The following SLC9A9 variants were observed in gnomAD, a reference collection of about 807,000 sequenced individuals.
SLC9A9 encodes sodium/hydrogen exchanger 9.
Under a neutral mutation model 77.8 loss-of-function variants are expected in SLC9A9, and 62 were observed. The ratio of observed to expected loss-of-function variants is 0.80; its 90% CI spans 0.65 to 0.98. The LOEUF is 0.98. Among genes scored for constraint, SLC9A9 ranks in the 50% least tolerant of loss-of-function variants. The pLI is 0.00. For missense variants in SLC9A9, 775 were observed against 774.9 expected, an observed-to-expected ratio of 1.00 and a Z score of 0.00; for synonymous variants, 320 against 283.5, an observed-to-expected ratio of 1.13 and a Z score of -1.29.
At chr3:143,673,303 C>CTTGAATTATCCAGTTTCAAGTTTTCATTT (rs2039188395) in intron 5 of SLC9A9, among the ~76,000 whole-genome samples, 1 of 152,140 alleles carries the variant, frequency 6.6e-6, no homozygotes, top group African/African-American at 2.4e-5. Context: ...AGGAGCCCTG[C>CTTGAATTATCCAGTTTCAAGTTTTCATTT]AGGATGAGAA....
intron 1 of SLC9A9, 41 bp downstream of exon 1, chr3:143,848,107 A>T (rs765834390): frequency 1.3e-6 from 2 of 1,581,854 alleles, no homozygotes; most frequent in African/African-American, 2.7e-5. Flanking sequence ...ATTACGCTCA[A>T]GCAACAAGTT....
intron 14 of SLC9A9, among the ~76,000 whole-genome samples, chr3:143,358,014 GTT>G (rs1262157852): frequency 1.6e-5 from 2 of 127,116 alleles, no homozygotes; most frequent in Non-Finnish European, 3.2e-5. Flanking sequence ...GGAGGGGAAG[GTT>G]TTTCTTTCCT....
intron 4 of SLC9A9, among the ~76,000 whole-genome samples, chr3:143,717,164 T>C (rs766883676): frequency 6.6e-6 from 1 of 152,232 alleles, no homozygotes; most frequent in Admixed American, 6.5e-5. Flanking sequence ...AACCATGATG[T>C]GCATATCAAT....
intron 8 of SLC9A9, among the ~76,000 whole-genome samples, chr3:143,564,708 A>G (rs1313728045): frequency 6.6e-6 from 1 of 152,160 alleles, no homozygotes; most frequent in Non-Finnish European, 1.5e-5. Context: ...TGGCAGATTA[A>G]TAATGCATCT....
intron 9 of SLC9A9, among the ~76,000 whole-genome samples, chr3:143,543,307 C>A (rs1228274915): frequency 6.6e-6 from 1 of 152,160 alleles, no homozygotes; most frequent in Non-Finnish European, 1.5e-5. Context: ...AGCGGCCCAC[C>A]CCTAACTATT....
intron 2 of SLC9A9, among the ~76,000 whole-genome samples, chr3:143,811,125 A>G (rs532259928): frequency 1.3e-5 from 2 of 152,314 alleles, no homozygotes; most frequent in Admixed American, 1.3e-4. Flanking sequence ...CTGGGGTTTC[A>G]GTTACAGTTG....
chr3:143,439,662 T>C (rs2034690838), intron 12 of SLC9A9, among the ~76,000 whole-genome samples: 1 of 152,118 alleles, frequency 6.6e-6, no homozygotes, highest in African/African-American at 2.4e-5. Context: ...GGGGCCAGAC[T>C]CCTAGGACTA....
At chr3:143,436,589 A>C (rs1414210608) in intron 12 of SLC9A9, among the ~76,000 whole-genome samples, 2 of 152,222 alleles carry the variant, frequency 1.3e-5, no homozygotes, top group Non-Finnish European at 2.9e-5. Context: ...GTACAGATGG[A>C]AGAAGAAACT....
chr3:143,578,581 A>T lies in SLC9A9; in HGVS notation c.894+4T>A. On this transcript the variant is annotated splice_donor_region_variant and intron_variant, in intron 7 of 15. Coordinates refer to ENST00000316549, the MANE Select transcript of SLC9A9 (RefSeq NM_173653.4). Reference sequence around the variant, plus strand: ...CCAGCTTTCCACATACAGACAAAGGATATCAGTGCTGTGATGATGGCATAC... The same window carrying T: ...CCAGCTTTCCACATACAGACAAAGGTTATCAGTGCTGTGATGATGGCATAC... 1 of 1,613,902 alleles carries T rather than the reference A, an allele frequency of 6.2e-7. No homozygotes were observed. The highest frequency in any genetic ancestry group is 8.5e-7 in the Non-Finnish European group (1 of 1,179,826).
At chr3:143,801,130 G>C (rs957308925) in intron 2 of SLC9A9, among the ~76,000 whole-genome samples, 4 of 152,138 alleles carry the variant, frequency 2.6e-5, no homozygotes, top group African/African-American at 4.8e-5. Context: ...CTTGAAGACA[G>C]ATTTAGAGAC....
intron 4 of SLC9A9, among the ~76,000 whole-genome samples, chr3:143,741,454 A>G (rs967976610): frequency 6.6e-6 from 1 of 152,246 alleles, no homozygotes; most frequent in East Asian, 1.9e-4. Context: ...AATTGTATAA[A>G]TTAATAAATG....
chr3:143,363,569 G>A lies in SLC9A9; in HGVS notation c.1525-6C>T, dbSNP rs762219905. Reference sequence around the variant, plus strand: ...TTATCCAAGTTATTTGCTTCCTGGGGAGAAACAATAGAAAAAGGCATTGGG... The same window carrying A: ...TTATCCAAGTTATTTGCTTCCTGGGAAGAAACAATAGAAAAAGGCATTGGG... On this transcript the variant is annotated splice_region_variant and splice_polypyrimidine_tract_variant and intron_variant, in intron 13 of 15. Coordinates refer to ENST00000316549, the MANE Select transcript of SLC9A9 (RefSeq NM_173653.4). 3 of 1,611,676 alleles carry A rather than the reference G, an allele frequency of 1.9e-6. No individual in the cohort carries two copies. The highest frequency in any genetic ancestry group is 2.5e-6 in the Non-Finnish European group (3 of 1,178,410).
chr3:143,328,175 C>A (rs1054195242), intron 14 of SLC9A9, among the ~76,000 whole-genome samples: 3 of 152,148 alleles, frequency 2.0e-5, no homozygotes, highest in Admixed American at 6.5e-5. Flanking sequence ...CATAACACAA[C>A]CTCAATGTAA....
chr3:143,848,339 G>A lies in SLC9A9; in HGVS notation c.-17C>T. The A allele has an allele frequency of 1.2e-6, 2 of 1,613,780 alleles. No homozygotes were observed. Among genetic ancestry groups the A allele is most frequent in the Non-Finnish European group, 1.7e-6 (2 of 1,179,780 alleles). ...TCTCTCCATTCCCCAGTCTTCTTGG[G>A]ATTCCTTAGATAAAAACCTGGATAA... On this transcript the variant is annotated 5_prime_UTR_variant, in exon 1 of 16. Transcript: ENST00000316549.
chr3:143,447,198 T>C (rs764450679), intron 12 of SLC9A9, among the ~76,000 whole-genome samples: 10 of 152,178 alleles, frequency 6.6e-5, no homozygotes, highest in Non-Finnish European at 7.4e-5. Flanking sequence ...GAGAAATTAA[T>C]TGTGAAGACG....
At chr3:143,654,112 A>T (rs777577006) in intron 5 of SLC9A9, among the ~76,000 whole-genome samples, 1 of 152,202 alleles carries the variant, frequency 6.6e-6, no homozygotes, top group Non-Finnish European at 1.5e-5. Flanking sequence ...TACACTTGAA[A>T]ATTGCTGAGA....
Position 143,310,316 on chromosome 3 carries a change from G to C in SLC9A9, c.1605-41336C>G, listed in dbSNP as rs576198130. ...CCAACTAGTTTGAGCCTGCCTGCAA[G>C]TGAGCTTTGTAAACTAAGAACAGTT... is the stretch of plus-strand genomic sequence containing the variant. On this transcript the variant is annotated intron_variant, in intron 14 of 15. Coordinates refer to ENST00000316549, the MANE Select transcript of SLC9A9 (RefSeq NM_173653.4). 1.2e-4 allele frequency among the ~76,000 whole-genome samples: 19 copies of C among 152,272 alleles called. No homozygotes were observed. The South Asian group carries it at 2.3e-3, about 18-fold the overall frequency.
intron 4 of SLC9A9, among the ~76,000 whole-genome samples, chr3:143,733,587 T>G (rs1399303515): frequency 1.3e-5 from 2 of 151,894 alleles, no homozygotes. Flanking sequence ...GGGTGTGAGG[T>G]GCCCACACAG....
intron 5 of SLC9A9, among the ~76,000 whole-genome samples, chr3:143,672,715 C>G (rs1339625764): frequency 1.3e-5 from 2 of 152,036 alleles, no homozygotes; most frequent in African/African-American, 4.8e-5. Flanking sequence ...AGCAAAATGC[C>G]CTGTTTAATT....
Sources: gnomAD v4.1 joint callset for allele counts (sites outside exome capture counted in the v4.1 genomes callset) on GRCh38, gnomAD v4.1.1 for gene constraint, MANE v1.5 for transcripts, NCBI Gene and HGNC (gene_info 2026-07-23, HGNC 2026-07-21) for gene names.